FGF12: variants seen among roughly 807,000 people sequenced by gnomAD.
FGF12 encodes the protein fibroblast growth factor 12.
In FGF12, 14 loss-of-function variants were observed where a neutral mutation model predicts 23.6. That is an observed-to-expected ratio of 0.59 (90% confidence interval 0.39 to 0.93). The LOEUF (loss-of-function observed/expected upper bound fraction) is 0.93. FGF12 is among the 40% of genes least tolerant of loss of function. The probability of loss-of-function intolerance (pLI) is 0.00; values close to 1 mark genes in which losing one functional copy is unlikely to be tolerated. For synonymous variants in FGF12, 62 were observed against 77.3 expected (o/e 0.80, Z 1.04); for missense variants, 175 against 217.8 (o/e 0.80, Z 1.24).
At chr3:192,710,105 T>C (rs1718614983) in intron 2 of FGF12, among the ~76,000 whole-genome samples, 1 of 152,172 alleles carries the variant, frequency 6.6e-6, no homozygotes, top group African/African-American at 2.4e-5. Flanking sequence ...AAGGGAAGAA[T>C]ACCTTAATGA....
intron 4 of FGF12, among the ~76,000 whole-genome samples, chr3:192,304,596 T>C (rs1391062806): frequency 6.6e-6 from 1 of 152,158 alleles, no homozygotes; most frequent in Non-Finnish European, 1.5e-5. Flanking sequence ...CTTGCGGTAA[T>C]ATTTAATATT....
chr3:192,580,157 TC>T (rs1329372851), intron 2 of FGF12, among the ~76,000 whole-genome samples: 2 of 152,198 alleles, frequency 1.3e-5, no homozygotes, highest in Non-Finnish European at 2.9e-5. Context: ...TGTAGCTTAC[TC>T]TTTATTTGCT....
chr3:192,486,376 A>G lies in FGF12; in HGVS notation c.14-125838T>C, dbSNP rs1304795613. Among the ~76,000 whole-genome samples the G allele has an allele frequency of 2.0e-5, 3 of 152,168 alleles. No homozygotes were observed. In the East Asian group the frequency reaches 5.8e-4, roughly 29 times the overall value. ...GGCAAACAGAGTAACTGGGAGGACCAGTTGGTATTAAATAATCATCCGTGG... is the reference window on the plus strand; with the variant it reads ...GGCAAACAGAGTAACTGGGAGGACCGGTTGGTATTAAATAATCATCCGTGG... On this transcript the variant is annotated intron_variant, in intron 2 of 5. Coordinates refer to ENST00000445105, the MANE Select transcript of FGF12 (RefSeq NM_004113.6).
In FGF12 at chr3:192,612,258, AT is replaced by A. The variant is rs992430546; in HGVS notation, c.13+114922del. ...ACTTTGGGTGCTCCTATCTACCTGG[AT>A]TTTTTTTATATTTTCTCCACATTTT... On this transcript the variant is annotated intron_variant, in intron 2 of 5. Coordinates refer to ENST00000445105, the MANE Select transcript of FGF12 (RefSeq NM_004113.6). 2.0e-5 allele frequency among the ~76,000 whole-genome samples: 3 copies of A among 151,744 alleles called. No individual in the cohort carries two copies. The Admixed American group carries it at 2.0e-4, about 10-fold the overall frequency.
At chr3:192,661,337 C>G (rs1247773697) in intron 2 of FGF12, among the ~76,000 whole-genome samples, 1 of 152,208 alleles carries the variant, frequency 6.6e-6, no homozygotes, top group Non-Finnish European at 1.5e-5. Flanking sequence ...GCCTGACCAA[C>G]AGGGTGAAAC....
chr3:192,421,177 C>T (rs574113999), intron 2 of FGF12, among the ~76,000 whole-genome samples: 5 of 152,062 alleles, frequency 3.3e-5, no homozygotes, highest in Non-Finnish European at 5.9e-5. Flanking sequence ...ATGTGTTCCA[C>T]CAGTAGGTGA....
chr3:192,472,074 C>T (rs754441341), intron 2 of FGF12, among the ~76,000 whole-genome samples: 9 of 152,060 alleles, frequency 5.9e-5, no homozygotes, highest in Non-Finnish European at 1.2e-4. Context: ...TGGAGTGCAG[C>T]GGTGTGATCT....
chr3:192,190,105 A>T (rs1026844539), intron 4 of FGF12, among the ~76,000 whole-genome samples: 2 of 152,202 alleles, frequency 1.3e-5, no homozygotes, highest in East Asian at 3.9e-4. Context: ...AGTTATAAGA[A>T]ATATAAAAAA....
chr3:192,456,632 G>A (rs1722690377), intron 2 of FGF12, among the ~76,000 whole-genome samples: 1 of 151,978 alleles, frequency 6.6e-6, no homozygotes, highest in Non-Finnish European at 1.5e-5. Flanking sequence ...TAATTTAAAA[G>A]TTAAAAAAAT....
rs573512940 is a variant in FGF12, at chr3:192,161,129, T to A, written c.427+9329A>T. Among the ~76,000 whole-genome samples the A allele has an allele frequency of 1.3e-4, 20 of 152,146 alleles. No homozygotes were observed. The South Asian group carries it at 4.1e-3, about 32-fold the overall frequency. ...CTAGAAAGGAAAGAGATTCTAAGGA[T>A]CATTGCATCAGACAGTTCCCTAAAC... On this transcript the variant is annotated intron_variant, in intron 5 of 5. Coordinates refer to ENST00000445105, the MANE Select transcript of FGF12 (RefSeq NM_004113.6).
At chr3:192,600,141 A>T (rs971853) in intron 2 of FGF12, among the ~76,000 whole-genome samples, 34,275 of 152,018 alleles carry the variant, frequency 0.23, 4,572 homozygotes, top group East Asian at 0.34. Flanking sequence ...TTATTGAAGA[A>T]ATTGTCCTTC....
At chr3:192,204,896 GA>G (rs909468628) in intron 4 of FGF12, among the ~76,000 whole-genome samples, 15 of 148,930 alleles carry the variant, frequency 1.0e-4, no homozygotes, top group Admixed American at 8.7e-4. Context: ...CTCAAAAAGA[GA>G]AAAAAAAAGA....
intron 4 of FGF12, among the ~76,000 whole-genome samples, chr3:192,263,310 A>T (rs567744289): frequency 6.6e-6 from 1 of 152,132 alleles, no homozygotes; most frequent in Non-Finnish European, 1.5e-5. Context: ...TTCTAACTAC[A>T]TTGGGCCTTA....
rs141732956 is a variant in FGF12, at chr3:192,218,239, C to T, written c.229-47583G>A. ...CTTTAAATTTGAGTTCATCTTGTGG[C>T]AGGGCATTTGTGGCATGTGGGAAAT... On this transcript the variant is annotated intron_variant, in intron 4 of 5. Coordinates refer to ENST00000445105, the MANE Select transcript of FGF12 (RefSeq NM_004113.6). 2.9e-3 allele frequency among the ~76,000 whole-genome samples: 449 copies of T among 152,234 alleles called. 4 individuals carry two copies. Among genetic ancestry groups the T allele is most frequent in the Middle Eastern group, 0.017 (5 of 294 alleles).
rs1396279909 is a variant in FGF12, at chr3:192,514,768, G to C, written c.14-154230C>G. On this transcript the variant is annotated intron_variant, in intron 2 of 5. Coordinates refer to ENST00000445105, the MANE Select transcript of FGF12 (RefSeq NM_004113.6). This position sits in a 1 kb window ranked among gnomAD's most constrained non-coding sequence, Gnocchi z 4.9. Reference sequence around the variant, plus strand: ...CTCAAGAATCTTCATGGAGAAGCGCGTGTGTGGGGTTGGTCAACTCCCCGC... The same window carrying C: ...CTCAAGAATCTTCATGGAGAAGCGCCTGTGTGGGGTTGGTCAACTCCCCGC... 2.0e-6 allele frequency: 2 copies of C among 985,292 alleles called. No individual in the cohort carries two copies. The highest frequency in any genetic ancestry group is 1.7e-5 in the African/African-American group (1 of 57,242). The allele number at this position is 985,292 out of a possible 1,614,324, so 61.0% of individuals were successfully genotyped here. A position where few individuals can be genotyped will look rare whatever the true frequency, so the allele number is the denominator to read the frequency against.
intron 2 of FGF12, among the ~76,000 whole-genome samples, chr3:192,681,760 T>A (rs55837350): frequency 0.57 from 85,927 of 151,546 alleles, 25,115 homozygotes; most frequent in East Asian, 0.82. Context: ...AGCAATGATG[T>A]ATGCTCATCA....
intron 2 of FGF12, among the ~76,000 whole-genome samples, chr3:192,662,900 G>C (rs957837557): frequency 7.2e-5 from 11 of 152,182 alleles, no homozygotes; most frequent in African/African-American, 2.7e-4. Flanking sequence ...ATCGTTGGGA[G>C]ACCTGGTTCT....
intron 4 of FGF12, among the ~76,000 whole-genome samples, chr3:192,309,426 G>T (rs543858821): frequency 6.6e-6 from 1 of 152,148 alleles, no homozygotes; most frequent in African/African-American, 2.4e-5. Flanking sequence ...GTGGGTGATG[G>T]GGGTGAGAGA....
At chr3:192,499,192 C>T (rs1212406424) in intron 2 of FGF12, among the ~76,000 whole-genome samples, 1 of 152,000 alleles carries the variant, frequency 6.6e-6, no homozygotes, top group Non-Finnish European at 1.5e-5. Flanking sequence ...TTAAACTTCA[C>T]AATGCTTTGA....
Sources: gnomAD v4.1 joint callset for allele counts (sites outside exome capture counted in the v4.1 genomes callset) on GRCh38, gnomAD v4.1.1 for gene constraint, Gnocchi (gnomAD v3.1) non-coding constraint, MANE v1.5 for transcripts, NCBI Gene and HGNC (gene_info 2026-07-23, HGNC 2026-07-21) for gene names.